The following ACOXL variants were observed in gnomAD, a reference collection of about 807,000 sequenced individuals.
ACOXL encodes acyl-CoA oxidase like.
ACOXL carries 70 observed loss-of-function variants against 71.9 expected under a neutral mutation model. That is an observed-to-expected ratio of 0.97 (90% CI 0.80 to 1.19). The LOEUF is 1.19. Ranked by LOEUF, ACOXL falls within the 50% of genes most tolerant of loss-of-function variation. The pLI is 0.00. For synonymous variants in ACOXL, 253 were observed against 281.6 expected, an observed-to-expected ratio of 0.90 and a Z score of 1.02; for missense variants, 703 against 736.3, an observed-to-expected ratio of 0.95 and a Z score of 0.52.
intron 14 of ACOXL, among the ~76,000 whole-genome samples, chr2:111,004,807 T>A (rs2063797085): frequency 6.6e-6 from 1 of 152,218 alleles, no homozygotes; most frequent in African/African-American, 2.4e-5. Flanking sequence ...CAGCTTATAC[T>A]GTTCTGAGAC....
At chr2:110,768,559 AT>A in intron 2 of ACOXL, 95 bp downstream of exon 2, 1 of 1,180,428 alleles carries the variant, frequency 8.5e-7, no homozygotes, top group Non-Finnish European at 1.2e-6. Context: ...TCCAGCTTTT[AT>A]TTTATGTTTA....
intron 12 of ACOXL, among the ~76,000 whole-genome samples, chr2:110,984,735 G>C (rs1168431674): frequency 6.6e-6 from 1 of 152,126 alleles, no homozygotes; most frequent in Non-Finnish European, 1.5e-5. Flanking sequence ...TGGAAATAGC[G>C]GCAGAAGTTA....
At chr2:110,973,811 G>A (rs534399552) in intron 12 of ACOXL, among the ~76,000 whole-genome samples, 2 of 152,282 alleles carry the variant, frequency 1.3e-5, no homozygotes, top group South Asian at 2.1e-4. Context: ...ACATCAGAGC[G>A]ACTACAGTAA....
chr2:110,987,177 C>T lies in ACOXL; in HGVS notation c.1129C>T (p.Gln377Ter). ...YEEKPLFGLL[Q>*]NWAESVGDKL... ...AGAAAAACCACTCTTTGGCCTGCTC[C>T]AAAACTGGGCTGAATCTGTGGGGGA... Residue 377 changes from glutamine (Q) to a stop codon, truncating the protein, a stop_gained, in exon 13 of 18, where the codon CAA becomes TAA. Coordinates refer to ENST00000439055, the MANE Select transcript of ACOXL (RefSeq NM_001142807.4). LOFTEE classifies it high-confidence loss of function. 1 of 1,578,874 alleles carries T rather than the reference C, an allele frequency of 6.3e-7. No individual in the cohort carries two copies. Among genetic ancestry groups the T allele is most frequent in the African/African-American group, 1.3e-5 (1 of 74,560 alleles).
At chr2:110,942,297 A>G (rs2060895231) in intron 12 of ACOXL, among the ~76,000 whole-genome samples, 2 of 152,214 alleles carry the variant, frequency 1.3e-5, no homozygotes, top group South Asian at 4.1e-4. Flanking sequence ...AAAAAGCAAG[A>G]CCAAATTATA....
intron 10 of ACOXL, among the ~76,000 whole-genome samples, chr2:110,855,058 T>A (rs1033029704): frequency 6.6e-6 from 1 of 152,156 alleles, no homozygotes; most frequent in Admixed American, 6.5e-5. Flanking sequence ...CTGTGATGAG[T>A]GTAGGTAGGA....
At chr2:110,970,037 A>G (rs534066400) in intron 12 of ACOXL, among the ~76,000 whole-genome samples, 6 of 152,234 alleles carry the variant, frequency 3.9e-5, no homozygotes, top group East Asian at 3.9e-4. Flanking sequence ...GGAGAATTCT[A>G]TTTACCATTT....
intron 9 of ACOXL, among the ~76,000 whole-genome samples, chr2:110,826,525 T>C (rs1044503034): frequency 6.6e-6 from 1 of 152,202 alleles, no homozygotes; most frequent in Non-Finnish European, 1.5e-5. Context: ...AGGTGTGTTA[T>C]TGCCCAGACC....
At chr2:110,737,882 T>C (rs893918089) in intron 1 of ACOXL, among the ~76,000 whole-genome samples, 5 of 152,238 alleles carry the variant, frequency 3.3e-5, no homozygotes, top group Non-Finnish European at 7.3e-5. Context: ...TTACCCTTTG[T>C]AGAAGCTTAG....
intron 12 of ACOXL, among the ~76,000 whole-genome samples, chr2:110,944,269 G>T (rs1438228992): frequency 1.3e-5 from 2 of 151,774 alleles, no homozygotes; most frequent in Non-Finnish European, 1.5e-5. Flanking sequence ...GGCAAGGGTG[G>T]TCTTGAATTC....
chr2:110,789,462 C>T (rs971324876), intron 3 of ACOXL, among the ~76,000 whole-genome samples: 2 of 152,186 alleles, frequency 1.3e-5, no homozygotes, highest in South Asian at 4.1e-4. Context: ...TTCCACCTTT[C>T]TGGAGGCTGT....
At chr2:110,898,139 C>T (rs1487316648) in intron 10 of ACOXL, among the ~76,000 whole-genome samples, 1 of 151,822 alleles carries the variant, frequency 6.6e-6, no homozygotes, top group Admixed American at 6.6e-5. Flanking sequence ...GATGTTTTCA[C>T]TGGAAAATCC....
intron 17 of ACOXL, among the ~76,000 whole-genome samples, chr2:111,116,836 G>A (rs1247749545): frequency 6.6e-6 from 1 of 151,774 alleles, no homozygotes. Flanking sequence ...AAATACATTG[G>A]CACCTAAGCC....
At chr2:110,881,147 A>G (rs1440850649) in intron 10 of ACOXL, among the ~76,000 whole-genome samples, 1 of 151,704 alleles carries the variant, frequency 6.6e-6, no homozygotes, top group East Asian at 1.9e-4. Context: ...ATATATTTAT[A>G]TGTATATGTA....
At position 110,908,800 on chromosome 2, in the gene ACOXL, T is replaced by A. The variant is rs762137495; in HGVS notation, c.800T>A (p.Phe267Tyr). Residue 267 changes from phenylalanine to tyrosine, a missense_variant, in exon 11 of 18, where the codon TTT (phenylalanine) becomes TAT (tyrosine). By Grantham distance (22) the Phe-to-Tyr change is conservative. Coordinates refer to ENST00000439055, the MANE Select transcript of ACOXL (RefSeq NM_001142807.4). ...TTGATTCCCTCTAGCCGGAGGCAGT[T>A]TGGGCCCAAAACCAAGGAAGAGGTG... is the stretch of plus-strand genomic sequence containing the variant. ...AIRYSHSRRQ[F>Y]GPKTKEEVKI... The A allele has an allele frequency of 2.5e-6, 4 of 1,614,012 alleles. No individual in the cohort carries two copies. The highest frequency in any genetic ancestry group is 3.4e-6 in the Non-Finnish European group (4 of 1,179,938).
intron 12 of ACOXL, among the ~76,000 whole-genome samples, chr2:110,953,275 C>CT (rs1212276847): frequency 4.0e-5 from 6 of 149,752 alleles, no homozygotes; most frequent in Non-Finnish European, 7.4e-5. Context: ...ACACTAGTGG[C>CT]TTTTTTTTTA....
chr2:110,867,159 C>T (rs1694711432), intron 10 of ACOXL, among the ~76,000 whole-genome samples: 1 of 152,102 alleles, frequency 6.6e-6, no homozygotes, highest in African/African-American at 2.4e-5. Flanking sequence ...GAGAATAAGG[C>T]CCTGTGGGGA....
At chr2:111,066,085 A>G (rs2118906) in intron 16 of ACOXL, among the ~76,000 whole-genome samples, 11,952 of 152,308 alleles carry the variant, frequency 0.078, 595 homozygotes, top group Non-Finnish European at 0.11. Context: ...ATTAATGTAC[A>G]TAGCTGCTTT....
intron 9 of ACOXL, among the ~76,000 whole-genome samples, chr2:110,809,795 G>C (rs550319119): frequency 2.0e-5 from 3 of 152,192 alleles, no homozygotes; most frequent in Non-Finnish European, 4.4e-5. Context: ...TTGAGAGCCA[G>C]CCAGGGTTGG....
Sources: allele counts gnomAD v4.1 joint callset (sites outside exome capture counted in the v4.1 genomes callset), GRCh38; gene constraint gnomAD v4.1.1; transcripts MANE v1.5; gene names NCBI Gene and HGNC (gene_info 2026-07-23, HGNC 2026-07-21).